The following DCDC1 variants were observed in gnomAD, a reference collection of about 807,000 sequenced individuals.
The protein encoded by DCDC1 is doublecortin domain containing 1.
Under a neutral mutation model 178.3 loss-of-function variants are expected in DCDC1, and 200 were observed. That is an observed-to-expected ratio of 1.12 (90% CI 1.00 to 1.26). DCDC1 has a LOEUF of 1.26. Ranked by LOEUF, DCDC1 falls within the 50% of genes most tolerant of loss-of-function variation. DCDC1 has a pLI of 0.00. For missense variants in DCDC1, 1,983 were observed against 1,749.2 expected, an observed-to-expected ratio of 1.13 and a Z score of -2.38; for synonymous variants, 690 against 604.8, an observed-to-expected ratio of 1.14 and a Z score of -2.07.
intron 2 of DCDC1, among the ~76,000 whole-genome samples, chr11:31,332,880 G>A (rs1392564180): frequency 6.6e-6 from 1 of 152,190 alleles, no homozygotes; most frequent in Non-Finnish European, 1.5e-5. Context: ...GGAGAGTTCT[G>A]TAGATGTCTA....
chr11:31,233,145 G>GT (rs1251021575), intron 9 of DCDC1, among the ~76,000 whole-genome samples: 2 of 151,806 alleles, frequency 1.3e-5, no homozygotes, highest in Non-Finnish European at 2.9e-5. Context: ...GCTCAATGAG[G>GT]TAAGTATTAT....
At chr11:31,092,667 T>C (rs1957889230) in intron 16 of DCDC1, among the ~76,000 whole-genome samples, 1 of 152,208 alleles carries the variant, frequency 6.6e-6, no homozygotes, top group South Asian at 2.1e-4. Flanking sequence ...GACAAGTACA[T>C]GTTTTCTGCT....
intron 9 of DCDC1, among the ~76,000 whole-genome samples, chr11:31,157,355 CAAA>C (rs1555090310): frequency 3.3e-5 from 4 of 121,928 alleles, no homozygotes; most frequent in East Asian, 2.6e-4. Flanking sequence ...GACCCTTTCT[CAAA>C]AAAAAAAAAA....
At chr11:30,876,227 T>C (rs1172822768) in intron 38 of DCDC1, among the ~76,000 whole-genome samples, 1 of 152,204 alleles carries the variant, frequency 6.6e-6, no homozygotes, top group Non-Finnish European at 1.5e-5. Flanking sequence ...GACTTACATA[T>C]ATGAGGCTGA....
At chr11:31,249,950 A>G (rs1943859796) in intron 8 of DCDC1, among the ~76,000 whole-genome samples, 1 of 152,098 alleles carries the variant, frequency 6.6e-6, no homozygotes, top group Non-Finnish European at 1.5e-5. Context: ...ATCACTGACT[A>G]CTAAACAAAT....
At chr11:31,354,310 A>G (rs1188467419) in intron 1 of DCDC1, among the ~76,000 whole-genome samples, 1 of 152,154 alleles carries the variant, frequency 6.6e-6, no homozygotes, top group Non-Finnish European at 1.5e-5. Context: ...AAAAAAAATT[A>G]TGAGTCAAAT....
intron 3 of DCDC1, among the ~76,000 whole-genome samples, chr11:31,321,689 T>C (rs1475003473): frequency 1.3e-5 from 2 of 152,142 alleles, no homozygotes; most frequent in Non-Finnish European, 2.9e-5. Context: ...CCGCCCTGCA[T>C]ACCTTTTTAC....
chr11:31,160,958 C>G (rs528851739), intron 9 of DCDC1, among the ~76,000 whole-genome samples: 1 of 152,214 alleles, frequency 6.6e-6, no homozygotes, highest in African/African-American at 2.4e-5. Flanking sequence ...ACCATCCAAT[C>G]CTTATGGTTT....
intron 20 of DCDC1, among the ~76,000 whole-genome samples, chr11:31,046,528 C>A (rs909299279): frequency 1.4e-4 from 21 of 150,640 alleles, no homozygotes; most frequent in African/African-American, 5.1e-4. Flanking sequence ...TTCAATTATG[C>A]CAAAGTTAAA....
At chr11:30,894,608 C>T (rs560401239) in intron 34 of DCDC1, among the ~76,000 whole-genome samples, 32 of 152,348 alleles carry the variant, frequency 2.1e-4, no homozygotes, top group Non-Finnish European at 4.0e-4. Flanking sequence ...ACATACTCTA[C>T]AGGTAGAAGA....
chr11:31,095,852 T>C (rs1306277164), intron 15 of DCDC1, among the ~76,000 whole-genome samples: 1 of 152,212 alleles, frequency 6.6e-6, no homozygotes, highest in Admixed American at 6.5e-5. Context: ...CACTGAGTAA[T>C]TATTCTAGGT....
chr11:30,910,601 G>A (rs144809045), intron 28 of DCDC1, among the ~76,000 whole-genome samples: 14 of 152,236 alleles, frequency 9.2e-5, no homozygotes, highest in African/African-American at 3.4e-4. Flanking sequence ...TACTGAGGAG[G>A]ACACAGAAAG....
At chr11:31,059,889 T>A (rs915011392) in intron 20 of DCDC1, among the ~76,000 whole-genome samples, 1 of 151,992 alleles carries the variant, frequency 6.6e-6, no homozygotes, top group Non-Finnish European at 1.5e-5. Flanking sequence ...AATATGTGGG[T>A]TTTTACAATT....
chr11:30,929,948 C>T (rs2134304610), intron 22 of DCDC1, among the ~76,000 whole-genome samples: 1 of 152,080 alleles, frequency 6.6e-6, no homozygotes, highest in East Asian at 1.9e-4. Flanking sequence ...GAACCAATAA[C>T]AACAACAAAA....
intron 20 of DCDC1, among the ~76,000 whole-genome samples, chr11:30,953,308 A>G (rs1948544761): frequency 6.7e-6 from 1 of 148,664 alleles, no homozygotes; most frequent in Non-Finnish European, 1.5e-5. Context: ...TAAGCATTAT[A>G]TTAATTATAT....
At chr11:30,919,709 T>G (rs1393293681) in intron 25 of DCDC1, among the ~76,000 whole-genome samples, 1 of 152,204 alleles carries the variant, frequency 6.6e-6, no homozygotes, top group African/African-American at 2.4e-5. Context: ...TGAGGAAGTT[T>G]GGTTCCTAAA....
At chr11:31,009,096 A>G (rs1474607287) in intron 20 of DCDC1, among the ~76,000 whole-genome samples, 3 of 152,330 alleles carry the variant, frequency 2.0e-5, no homozygotes, top group Middle Eastern at 3.4e-3. Context: ...AACAATGAGA[A>G]TATATAACAA....
At chr11:31,270,945 A>G (rs1945505854) in intron 7 of DCDC1, among the ~76,000 whole-genome samples, 1 of 152,190 alleles carries the variant, frequency 6.6e-6, no homozygotes, top group African/African-American at 2.4e-5. Flanking sequence ...ACAACTGAAC[A>G]TATCAACATT....
At chr11:31,281,670 G>T (rs1402695139) in intron 7 of DCDC1, among the ~76,000 whole-genome samples, 1 of 152,066 alleles carries the variant, frequency 6.6e-6, no homozygotes, top group Non-Finnish European at 1.5e-5. Flanking sequence ...GGAGATAATT[G>T]AATCATGGGG....
Sources: gnomAD v4.1 joint callset for allele counts (sites outside exome capture counted in the v4.1 genomes callset) on GRCh38, gnomAD v4.1.1 for gene constraint, MANE v1.5 for transcripts, NCBI Gene and HGNC (gene_info 2026-07-23, HGNC 2026-07-21) for gene names.